FERMT1: variants seen among roughly 807,000 people sequenced by gnomAD.
FERMT1 encodes fermitin family homolog 1.
Under a neutral mutation model 85.3 loss-of-function variants are expected in FERMT1, and 60 were observed. The ratio of observed to expected loss-of-function variants is 0.70; its 90% confidence interval spans 0.57 to 0.87. The LOEUF is 0.87. FERMT1 is among the 40% of genes least tolerant of loss of function. The probability of loss-of-function intolerance (pLI) is 0.00; values close to 1 mark genes in which losing one functional copy is unlikely to be tolerated. For synonymous variants in FERMT1, 275 were observed against 301.1 expected, an observed-to-expected ratio of 0.91 and a Z score of 0.90; for missense variants, 701 against 818.9, an observed-to-expected ratio of 0.86 and a Z score of 1.76.
chr20:6,099,162 G>A (rs1982586132), intron 6 of FERMT1, among the ~76,000 whole-genome samples: 1 of 152,216 alleles, frequency 6.6e-6, no homozygotes, highest in Non-Finnish European at 1.5e-5. Flanking sequence ...CAGCACTTTG[G>A]GAGGCAGAGG....
In FERMT1 at chr20:6,087,813, G is replaced by A. The variant is rs751428620; in HGVS notation, c.1335C>T (p.Ala445=). 2.2e-5 allele frequency: 36 copies of A among 1,609,190 alleles called. No homozygotes were observed. In the Middle Eastern group the frequency reaches 4.9e-4, roughly 22 times the overall value. ...KFGIKLLIPV[A]DGMNEMYLRC... is the part of the protein sequence containing the mutation. Reference sequence around the variant, plus strand: ...TCAAATACATTTCATTCATACCATCGGCAACAGGGATTAGTAACTTGATTC... The same window carrying A: ...TCAAATACATTTCATTCATACCATCAGCAACAGGGATTAGTAACTTGATTC... The change falls in exon 11 of 15, where the codon GCC becomes GCT. Residue 445 remains alanine (A), a synonymous_variant. Coordinates refer to ENST00000217289, the MANE Select transcript of FERMT1 (RefSeq NM_017671.5).
chr20:6,090,382 T>C (rs1201076847), intron 9 of FERMT1, among the ~76,000 whole-genome samples: 1 of 152,126 alleles, frequency 6.6e-6, no homozygotes, highest in African/African-American at 2.4e-5. Context: ...TGGGACAATT[T>C]TTTTAAACAT....
At position 6,106,669 on chromosome 20, in the gene FERMT1, T is replaced by C. The variant is rs184585627; in HGVS notation, c.849+863A>G. Among the ~76,000 whole-genome samples, 276 of 152,326 alleles carry C rather than the reference T, an allele frequency of 1.8e-3. 3 individuals are homozygous for C. The highest frequency in any genetic ancestry group is 6.8e-3 in the Middle Eastern group (2 of 294). ...CAAAGGACTTATCTCACCCCTCATT[T>C]GTTATTCTAATAGACTTCAGGGGGA... On this transcript the variant is annotated intron_variant, in intron 6 of 14. Transcript: ENST00000217289.
At chr20:6,102,801 C>G (rs1271794547) in intron 6 of FERMT1, among the ~76,000 whole-genome samples, 10 of 151,776 alleles carry the variant, frequency 6.6e-5, no homozygotes, top group Non-Finnish European at 1.5e-4. Context: ...CTAGTCAGTT[C>G]AGTAAACCCT....
At chr20:6,096,837 A>G in intron 8 of FERMT1, 65 bp downstream of exon 8, 3 of 1,475,508 alleles carry the variant, frequency 2.0e-6, no homozygotes, top group Middle Eastern at 1.8e-4. Flanking sequence ...TAATAAAGAA[A>G]AGTTCATTTA....
chr20:6,088,474 G>A (rs1982248106), intron 10 of FERMT1, among the ~76,000 whole-genome samples: 1 of 152,158 alleles, frequency 6.6e-6, no homozygotes, highest in African/African-American at 2.4e-5. Context: ...AAATAATCAT[G>A]TTTACTAGAC....
chr20:6,107,060 G>C (rs1024396010), intron 6 of FERMT1, among the ~76,000 whole-genome samples: 1 of 152,114 alleles, frequency 6.6e-6, no homozygotes, highest in Non-Finnish European at 1.5e-5. Flanking sequence ...GCTGGGCATG[G>C]TTGCATGAGC....
chr20:6,077,689 T>A (rs6117069), intron 14 of FERMT1, among the ~76,000 whole-genome samples: 3,209 of 149,846 alleles, frequency 0.021, 63 homozygotes, highest in South Asian at 0.057. Flanking sequence ...TTTATTTTTA[T>A]TTTTTTTTTG....
chr20:6,099,498 AAAAC>A (rs1272403643), intron 6 of FERMT1, among the ~76,000 whole-genome samples: 1 of 152,226 alleles, frequency 6.6e-6, no homozygotes, highest in African/African-American at 2.4e-5. Context: ...CAAATACAAA[AAAAC>A]AAATACTGGA....
In FERMT1 at chr20:6,099,467, G is replaced by A. The variant is rs188227268; in HGVS notation, c.850-1836C>T. Reference sequence around the variant, plus strand: ...TACAATATGAATGAAGCTTGAAGATGCTATGCTAAGTGAAATAAGCCAAAT... The same window carrying A: ...TACAATATGAATGAAGCTTGAAGATACTATGCTAAGTGAAATAAGCCAAAT... On this transcript the variant is annotated intron_variant, in intron 6 of 14. Transcript: ENST00000217289. Among the ~76,000 whole-genome samples the A allele has an allele frequency of 5.2e-3, 778 of 150,858 alleles. 3 individuals carry two copies. Among genetic ancestry groups the A allele is most frequent in the Middle Eastern group, 0.014 (4 of 292 alleles).
chr20:6,083,659 C>T (rs1022282689), intron 13 of FERMT1, among the ~76,000 whole-genome samples: 2 of 125,690 alleles, frequency 1.6e-5, no homozygotes, highest in Non-Finnish European at 1.7e-5. Context: ...TGAGACACCC[C>T]CCCCCCCGGC....
At position 6,076,483 on chromosome 20, in the gene FERMT1, G is replaced by A. The variant is rs781160740; in HGVS notation, c.*690C>T. 3 of 516,776 alleles carry A rather than the reference G, an allele frequency of 5.8e-6. No individual in the cohort carries two copies. The highest frequency in any genetic ancestry group is 2.8e-5 in the South Asian group (2 of 70,658). The allele number at this position is 516,776 out of a possible 1,614,324, so 32.0% of individuals were successfully genotyped here. On this transcript the variant is annotated 3_prime_UTR_variant, in exon 15 of 15. Transcript: ENST00000217289. Reference sequence around the variant, plus strand: ...TGTAGGAATGGAATGGGGCTTGCAGGTGGCCCCAGAAATCTGAGGAGACCA... The same window carrying A: ...TGTAGGAATGGAATGGGGCTTGCAGATGGCCCCAGAAATCTGAGGAGACCA...
chr20:6,084,216 A>G, intron 12 of FERMT1, 52 bp from the exon 13 acceptor site: 1 of 1,572,686 alleles, frequency 6.4e-7, no homozygotes. Context: ...CTGCTCTGTG[A>G]TCACCCTGTT....
chr20:6,087,299 A>T (rs1475698250), intron 11 of FERMT1, among the ~76,000 whole-genome samples: 1 of 152,104 alleles, frequency 6.6e-6, no homozygotes, highest in Non-Finnish European at 1.5e-5. Flanking sequence ...TCTTTCAGAA[A>T]ACAATGTTTA....
chr20:6,081,314 T>C (rs1474081277), intron 13 of FERMT1, among the ~76,000 whole-genome samples: 1 of 149,174 alleles, frequency 6.7e-6, no homozygotes, highest in African/African-American at 2.5e-5. Flanking sequence ...TCTGGTATTA[T>C]AAGAGATTGG....
intron 2 of FERMT1, 150 bp downstream of exon 2, chr20:6,119,254 A>G: frequency 1.2e-6 from 1 of 853,456 alleles, no homozygotes; most frequent in Non-Finnish European, 1.9e-6. Context: ...AGCCTGGGCT[A>G]TTTCTTTCTC....
chr20:6,077,905 C>T (rs1212808799), intron 14 of FERMT1, among the ~76,000 whole-genome samples: 1 of 152,268 alleles, frequency 6.6e-6, no homozygotes, highest in Non-Finnish European at 1.5e-5. Context: ...TGGTCTTGAA[C>T]GCCTGACCTC....
At chr20:6,105,466 A>G (rs1568661904) in intron 6 of FERMT1, among the ~76,000 whole-genome samples, 1 of 152,186 alleles carries the variant, frequency 6.6e-6, no homozygotes, top group African/African-American at 2.4e-5. Flanking sequence ...TCACTCTGTG[A>G]CCACCAGAAT....
chr20:6,103,637 T>C (rs541476703), intron 6 of FERMT1, among the ~76,000 whole-genome samples: 11 of 152,300 alleles, frequency 7.2e-5, no homozygotes, highest in Admixed American at 5.9e-4. Flanking sequence ...AACTATATAT[T>C]TACATCCTTT....
Sources: allele counts gnomAD v4.1 joint callset (sites outside exome capture counted in the v4.1 genomes callset), GRCh38; gene constraint gnomAD v4.1.1; transcripts MANE v1.5; gene names NCBI Gene and HGNC (gene_info 2026-07-23, HGNC 2026-07-21).